The following VAT1L variants were observed in gnomAD, a reference collection of about 807,000 sequenced individuals.
VAT1L encodes vesicle amine transport 1 like.
Under a neutral mutation model 44.1 loss-of-function variants are expected in VAT1L, and 34 were observed. The observed-to-expected ratio is 0.77, with a 90% CI of 0.59 to 1.03. VAT1L has a LOEUF of 1.03. Ranked by LOEUF, VAT1L falls within the 50% of genes least tolerant of loss-of-function variation. VAT1L has a pLI of 0.00. For missense variants in VAT1L, 615 were observed against 538.8 expected, an observed-to-expected ratio of 1.14 and a Z score of -1.40; for synonymous variants, 253 against 202.2, an observed-to-expected ratio of 1.25 and a Z score of -2.13.
intron 1 of VAT1L, among the ~76,000 whole-genome samples, chr16:77,805,396 T>A (rs943923282): frequency 6.6e-6 from 1 of 152,172 alleles, no homozygotes; most frequent in African/African-American, 2.4e-5. Flanking sequence ...AAGTTTTCAG[T>A]TGAGATTAAG....
intron 7 of VAT1L, among the ~76,000 whole-genome samples, chr16:77,932,941 A>G (rs923018833): frequency 2.6e-5 from 4 of 152,238 alleles, no homozygotes; most frequent in African/African-American, 9.6e-5. Flanking sequence ...GGACATTGGT[A>G]TGATTCCAAG....
chr16:77,837,063 TTTGAATACAGAGCC>T (rs1480543687), intron 3 of VAT1L, among the ~76,000 whole-genome samples: 1 of 152,178 alleles, frequency 6.6e-6, no homozygotes, highest in Non-Finnish European at 1.5e-5. Context: ...GTGCACTCTC[TTTGAATACAGAGCC>T]CATGTGTTTA....
chr16:77,845,465 T>C (rs1330375402), intron 3 of VAT1L, among the ~76,000 whole-genome samples: 14 of 152,136 alleles, frequency 9.2e-5, no homozygotes, highest in Admixed American at 9.2e-4. Flanking sequence ...TAGGCTTTCC[T>C]CCCTTCCCCG....
chr16:77,876,221 C>T (rs901858083), intron 4 of VAT1L, 149 bp from the exon 5 acceptor site: 6 of 644,354 alleles, frequency 9.3e-6, no homozygotes, highest in Non-Finnish European at 1.6e-5. Flanking sequence ...ATATCCACCT[C>T]CTGGGCTTCT....
intron 8 of VAT1L, among the ~76,000 whole-genome samples, chr16:77,975,589 T>G (rs933419624): frequency 6.6e-6 from 1 of 152,098 alleles, no homozygotes; most frequent in Non-Finnish European, 1.5e-5. Context: ...TCCTCTAGAA[T>G]AGTCTGGGCT....
chr16:77,969,529 A>T lies in VAT1L; in HGVS notation c.1078-2321A>T, dbSNP rs147975410. 2.7e-4 allele frequency among the ~76,000 whole-genome samples: 41 copies of T among 152,196 alleles called. No homozygotes were observed. The East Asian group carries it at 7.7e-3, about 29-fold the overall frequency. ...AGTTTCTTGCCATGTGGACCTCTCC[A>T]TAGGGCAGCTCACAACATGGCAGTT... On this transcript the variant is annotated intron_variant, in intron 7 of 8. Transcript: ENST00000302536.
chr16:77,871,408 C>A (rs1473490785), intron 4 of VAT1L, among the ~76,000 whole-genome samples: 1 of 152,140 alleles, frequency 6.6e-6, no homozygotes, highest in Non-Finnish European at 1.5e-5. Context: ...GTGTCTCCTT[C>A]TAGTGTTAAG....
chr16:77,858,722 G>A (rs776489891), intron 3 of VAT1L, among the ~76,000 whole-genome samples: 12 of 152,166 alleles, frequency 7.9e-5, no homozygotes, highest in Admixed American at 4.6e-4. Context: ...ATAAGGTGAC[G>A]CTGGGCACAG....
chr16:77,811,272 T>C (rs1056020240), intron 1 of VAT1L, among the ~76,000 whole-genome samples: 1 of 152,246 alleles, frequency 6.6e-6, no homozygotes, highest in Non-Finnish European at 1.5e-5. Context: ...GCTACATGTA[T>C]CTTTGCTAAA....
chr16:77,811,452 A>G (rs535936196), intron 1 of VAT1L, among the ~76,000 whole-genome samples: 3 of 152,298 alleles, frequency 2.0e-5, no homozygotes, highest in Admixed American at 2.0e-4. Flanking sequence ...TTTGGGGACA[A>G]GAAGACACAG....
chr16:77,837,690 T>G (rs1460605893), intron 3 of VAT1L, among the ~76,000 whole-genome samples: 1 of 152,214 alleles, frequency 6.6e-6, no homozygotes, highest in Non-Finnish European at 1.5e-5. Context: ...CATGCCAGCT[T>G]CTCTGGTTTC....
At chr16:77,853,632 AG>A (rs1367685957) in intron 3 of VAT1L, among the ~76,000 whole-genome samples, 1 of 152,098 alleles carries the variant, frequency 6.6e-6, no homozygotes, top group Non-Finnish European at 1.5e-5. Flanking sequence ...GTTCAAACTC[AG>A]GCTGCAGGGC....
intron 7 of VAT1L, among the ~76,000 whole-genome samples, chr16:77,959,162 A>C (rs2018135675): frequency 6.6e-6 from 1 of 152,106 alleles, no homozygotes; most frequent in African/African-American, 2.4e-5. Flanking sequence ...ACATTATTGC[A>C]AAGACCCAAC....
At chr16:77,876,525 A>AT in intron 5 of VAT1L, 52 bp downstream of exon 5, 1 of 1,501,208 alleles carries the variant, frequency 6.7e-7, no homozygotes, top group Non-Finnish European at 9.3e-7. Context: ...ACCTCTACAT[A>AT]TGTGCCTGCA....
chr16:77,902,985 A>G (rs1037084624), intron 7 of VAT1L, among the ~76,000 whole-genome samples: 3 of 151,802 alleles, frequency 2.0e-5, no homozygotes, highest in African/African-American at 7.2e-5. Context: ...AAAAAAAAAA[A>G]AAAAAGAAAG....
intron 7 of VAT1L, among the ~76,000 whole-genome samples, chr16:77,947,510 G>A (rs1412218550): frequency 2.0e-5 from 3 of 152,124 alleles, no homozygotes; most frequent in Non-Finnish European, 4.4e-5. Context: ...GGGCCCACTG[G>A]CCAATATTAC....
chr16:77,921,675 T>C (rs546863059), intron 7 of VAT1L, among the ~76,000 whole-genome samples: 20 of 152,348 alleles, frequency 1.3e-4, no homozygotes, highest in Admixed American at 3.9e-4. Flanking sequence ...ACTTTATTTG[T>C]GACTTTTAGG....
intron 3 of VAT1L, among the ~76,000 whole-genome samples, chr16:77,847,975 C>T (rs1224664603): frequency 6.6e-6 from 1 of 152,156 alleles, no homozygotes; most frequent in Non-Finnish European, 1.5e-5. Flanking sequence ...TTCCAGGCCA[C>T]CGTCCCCTGG....
In VAT1L at chr16:77,884,198, G is replaced by C. The variant is rs1182557802; in HGVS notation, c.883-410G>C. On this transcript the variant is annotated intron_variant, in intron 6 of 8. Coordinates refer to ENST00000302536, the MANE Select transcript of VAT1L (RefSeq NM_020927.3). The surrounding 1 kb of genome is among the most constrained non-coding windows in gnomAD (Gnocchi z 4.5). ...AAAAAATACACCACTGTCCAAGGCGGGTGGATCACGAGGTCAGGAGTTCAA... is the reference window on the plus strand; with the variant it reads ...AAAAAATACACCACTGTCCAAGGCGCGTGGATCACGAGGTCAGGAGTTCAA... Among the ~76,000 whole-genome samples the C allele has an allele frequency of 6.6e-6, 1 of 152,002 alleles. No homozygotes were observed. The highest frequency in any genetic ancestry group is 2.4e-5 in the African/African-American group (1 of 41,396).
Sources: allele counts gnomAD v4.1 joint callset (sites outside exome capture counted in the v4.1 genomes callset), GRCh38; gene constraint gnomAD v4.1.1; non-coding constraint Gnocchi (gnomAD v3.1); transcripts MANE v1.5; gene names NCBI Gene and HGNC (gene_info 2026-07-23, HGNC 2026-07-21).